The following SLC35F3 variants were observed in gnomAD, a reference collection of about 807,000 sequenced individuals.
SLC35F3 encodes the protein solute carrier family 35 member F3.
Under a neutral mutation model 49.9 loss-of-function variants are expected in SLC35F3, and 25 were observed. That is an observed-to-expected ratio of 0.50 (90% CI 0.37 to 0.70). The LOEUF (loss-of-function observed/expected upper bound fraction) is 0.70, where lower values mean the gene tolerates loss of function less well. SLC35F3 is among the 30% of genes least tolerant of loss of function. The pLI, the probability that SLC35F3 is intolerant of heterozygous loss-of-function variation, is 0.00. For missense variants in SLC35F3, 525 were observed against 639.8 expected (o/e 0.82, Z 1.94); for synonymous variants, 275 against 265.4 (o/e 1.04, Z -0.35).
chr1:234,040,718 A>T (rs1179761783), intron 2 of SLC35F3, among the ~76,000 whole-genome samples: 1 of 152,236 alleles, frequency 6.6e-6, no homozygotes, highest in Non-Finnish European at 1.5e-5. Flanking sequence ...CTGGCCTTTG[A>T]TGCCTCTTGA....
chr1:234,187,809 G>C (rs904344374), intron 2 of SLC35F3, among the ~76,000 whole-genome samples: 1 of 152,176 alleles, frequency 6.6e-6, no homozygotes, highest in African/African-American at 2.4e-5. Context: ...CCCTGGGGAG[G>C]GCTGCCAGAG....
At chr1:233,918,962 A>G (rs1377231186) in intron 2 of SLC35F3, among the ~76,000 whole-genome samples, 2 of 152,140 alleles carry the variant, frequency 1.3e-5, no homozygotes, top group Non-Finnish European at 2.9e-5. Flanking sequence ...AAGTAGTTCA[A>G]CAAAAGTACA....
chr1:234,076,002 C>A (rs1456945112), intron 2 of SLC35F3, among the ~76,000 whole-genome samples: 1 of 140,740 alleles, frequency 7.1e-6, no homozygotes, highest in Non-Finnish European at 1.5e-5. Flanking sequence ...AGGCACAGAC[C>A]GCAGACTGTT....
chr1:233,907,157 A>G (rs976344458), intron 2 of SLC35F3, among the ~76,000 whole-genome samples: 2 of 152,214 alleles, frequency 1.3e-5, no homozygotes, highest in East Asian at 1.9e-4. Context: ...GAAAATAGCA[A>G]TTTTCTATTC....
intron 2 of SLC35F3, among the ~76,000 whole-genome samples, chr1:234,209,120 T>C (rs1427333488): frequency 6.6e-6 from 1 of 152,172 alleles, no homozygotes; most frequent in Non-Finnish European, 1.5e-5. Flanking sequence ...GCTAACACCC[T>C]CAAAAGAGGA....
At position 234,183,289 on chromosome 1, in the gene SLC35F3, C is replaced by T. The variant is rs542656909; in HGVS notation, c.284-48128C>T. Reference sequence around the variant, plus strand: ...CACCTCAGCCTTCAAAGTGCTGGGACTACACGCGTGAGCCACTGCACCTGG... The same window carrying T: ...CACCTCAGCCTTCAAAGTGCTGGGATTACACGCGTGAGCCACTGCACCTGG... On this transcript the variant is annotated intron_variant, in intron 2 of 7. Transcript: ENST00000366618. Among the ~76,000 whole-genome samples, 74 of 143,120 alleles carry T rather than the reference C, an allele frequency of 5.2e-4. 15 individuals carry two copies. In the South Asian group the frequency reaches 0.013, roughly 26 times the overall value. The allele number at this position is 143,120 out of a possible 152,430, so 93.9% of individuals were successfully genotyped here. A position where few individuals can be genotyped will look rare whatever the true frequency, so the allele number is the denominator to read the frequency against.
chr1:234,064,339 G>A (rs76198059), intron 2 of SLC35F3, among the ~76,000 whole-genome samples: 1,647 of 152,186 alleles, frequency 0.011, 23 homozygotes, highest in African/African-American at 0.036. Flanking sequence ...TTTATTCTAT[G>A]GTTAATTTAA....
chr1:234,267,864 G>A (rs1314279068), intron 3 of SLC35F3, among the ~76,000 whole-genome samples: 41 of 142,940 alleles, frequency 2.9e-4, no homozygotes, highest in Non-Finnish European at 5.6e-4. Context: ...ACAGGGCGGC[G>A]GGGCAGAGGT....
intron 2 of SLC35F3, among the ~76,000 whole-genome samples, chr1:234,001,905 G>A (rs1437061622): frequency 6.6e-6 from 1 of 152,094 alleles, no homozygotes; most frequent in African/African-American, 2.4e-5. Flanking sequence ...TCATCATCAA[G>A]CTGTCCTAAA....
At chr1:234,242,374 C>G (rs773115834) in intron 3 of SLC35F3, among the ~76,000 whole-genome samples, 14 of 152,180 alleles carry the variant, frequency 9.2e-5, no homozygotes, top group Admixed American at 2.6e-4. Context: ...TCCTCTGATG[C>G]GTTTTCCAGC....
chr1:233,948,809 G>A (rs1002997983), intron 2 of SLC35F3, among the ~76,000 whole-genome samples: 20 of 150,380 alleles, frequency 1.3e-4, no homozygotes, highest in Non-Finnish European at 2.1e-4. Context: ...GAGAATATGC[G>A]GTGTTTGGTT....
chr1:233,942,333 G>A (rs936206675), intron 2 of SLC35F3, among the ~76,000 whole-genome samples: 12 of 151,268 alleles, frequency 7.9e-5, no homozygotes, highest in African/African-American at 2.7e-4. Flanking sequence ...AGGGGGAGAG[G>A]CCAAATGCCT....
chr1:234,055,087 G>A (rs1368000640), intron 2 of SLC35F3, among the ~76,000 whole-genome samples: 1 of 152,142 alleles, frequency 6.6e-6, no homozygotes, highest in Non-Finnish European at 1.5e-5. Flanking sequence ...ACTACTCGGG[G>A]GTCAGGGACC....
At chr1:233,996,175 T>C (rs1663456663) in intron 2 of SLC35F3, among the ~76,000 whole-genome samples, 1 of 152,160 alleles carries the variant, frequency 6.6e-6, no homozygotes, top group Admixed American at 6.5e-5. Flanking sequence ...GTTAATTGTG[T>C]CTGTACTGAA....
intron 2 of SLC35F3, among the ~76,000 whole-genome samples, chr1:234,091,261 C>T (rs1331105213): frequency 6.6e-6 from 1 of 152,164 alleles, no homozygotes; most frequent in Non-Finnish European, 1.5e-5. Flanking sequence ...GAGGCACTAT[C>T]ACCCTACCTT....
chr1:234,302,188 A>G (rs1158001019), intron 3 of SLC35F3, among the ~76,000 whole-genome samples: 1 of 152,086 alleles, frequency 6.6e-6, no homozygotes, highest in African/African-American at 2.4e-5. Flanking sequence ...AGAAGAAATT[A>G]AAAGAAAAAA....
chr1:234,144,250 T>C (rs77263152), intron 2 of SLC35F3, among the ~76,000 whole-genome samples: 3 of 152,200 alleles, frequency 2.0e-5, no homozygotes, highest in African/African-American at 7.2e-5. Context: ...TAGTTGCCTG[T>C]TGAGTGTCGG....
At chr1:234,021,348 A>G (rs539115158) in intron 2 of SLC35F3, among the ~76,000 whole-genome samples, 1 of 152,320 alleles carries the variant, frequency 6.6e-6, no homozygotes, top group South Asian at 2.1e-4. Context: ...CAGCATCCTC[A>G]TGCTCCCTCA....
rs533410825 is a variant in SLC35F3 at position 234,038,049 on chromosome 1, G to C, written c.283+132291G>C. On this transcript the variant is annotated intron_variant, in intron 2 of 7. Coordinates refer to ENST00000366618, the MANE Select transcript of SLC35F3 (RefSeq NM_173508.4). Reference sequence around the variant, plus strand: ...ACATATGTATACATGTGCCATGTTGGGGTGCTGCACCCATTAACTTGTCAT... The same window carrying C: ...ACATATGTATACATGTGCCATGTTGCGGTGCTGCACCCATTAACTTGTCAT... Among the ~76,000 whole-genome samples, 7 of 151,784 alleles carry C rather than the reference G, an allele frequency of 4.6e-5. No individual in the cohort carries two copies. The South Asian group carries it at 1.5e-3, about 32-fold the overall frequency.
Sources: gnomAD v4.1 joint callset for allele counts (sites outside exome capture counted in the v4.1 genomes callset) on GRCh38, gnomAD v4.1.1 for gene constraint, MANE v1.5 for transcripts, NCBI Gene and HGNC (gene_info 2026-07-23, HGNC 2026-07-21) for gene names.